The following CFHR1 variants were observed in gnomAD, a reference collection of about 807,000 sequenced individuals.
CFHR1 encodes the protein complement factor H related 1, also known as complement factor H-related protein 1.
CFHR1 carries 22 observed loss-of-function variants against 30.4 expected under a neutral mutation model. The ratio of observed to expected loss-of-function variants is 0.72; its 90% CI spans 0.52 to 1.03. The LOEUF (loss-of-function observed/expected upper bound fraction) is 1.03. Among genes scored for constraint, CFHR1 ranks in the 50% least tolerant of loss-of-function variants. The pLI, the probability that CFHR1 is intolerant of heterozygous loss-of-function variation, is 0.00. For synonymous variants in CFHR1, 95 were observed against 129.1 expected (o/e 0.74, Z 1.79); for missense variants, 248 against 380.6 (o/e 0.65, Z 2.90).
rs1469400274 is a variant in CFHR1 at position 196,824,346 on chromosome 1, C to A, written c.59-1131C>A. Among the ~76,000 whole-genome samples, 4 of 133,802 alleles carry A rather than the reference C, an allele frequency of 3.0e-5. 1 individual carries two copies. The highest frequency in any genetic ancestry group is 2.9e-4 in the Admixed American group (4 of 13,884). The allele number at this position is 133,802 out of a possible 152,430, so 87.8% of individuals were successfully genotyped here. A position where few individuals can be genotyped will look rare whatever the true frequency, so the allele number is the denominator to read the frequency against. On this transcript the variant is annotated intron_variant, in intron 1 of 5. Coordinates refer to ENST00000320493, the MANE Select transcript of CFHR1 (RefSeq NM_002113.3). ...GATCTCCGCTCACTGCAACCTCCCC[C>A]TCCTGGGTTCAAGTGATTCTTCTGC...
rs424925 is a variant in CFHR1 at position 196,826,631 on chromosome 1, C to G, written c.254-198C>G. Among the ~76,000 whole-genome samples the G allele has an allele frequency of 0.47, 62,710 of 132,234 alleles. 21,054 individuals carry two copies. The highest frequency in any genetic ancestry group is 0.59 in the African/African-American group (17,889 of 30,470). 86.8% of individuals were successfully genotyped at this position (132,234 alleles called of 152,430 possible). A position where few individuals can be genotyped will look rare whatever the true frequency, so the allele number is the denominator to read the frequency against. On this transcript the variant is annotated intron_variant, in intron 2 of 5. Transcript: ENST00000320493. ...ATGCCCGCTAATTTTTGTATTTTTA[C>G]TAGAAACAGGGTTTCACCATGTTGG...
Position 196,824,317 on chromosome 1 carries a change from G to T in CFHR1, c.59-1160G>T, listed in dbSNP as rs532250166. ...GTCGCCCCCAGGCTCGAGTTTAGTG[G>T]CATGATCTCCGCTCACTGCAACCTC... On this transcript the variant is annotated intron_variant, in intron 1 of 5. Transcript: ENST00000320493. 5.2e-5 allele frequency among the ~76,000 whole-genome samples: 7 copies of T among 133,582 alleles called. 1 individual carries two copies. In the East Asian group the frequency reaches 7.9e-4, roughly 15 times the overall value. 87.6% of individuals were successfully genotyped at this position (133,582 alleles called of 152,430 possible).
At position 196,825,538 on chromosome 1, in the gene CFHR1, G is replaced by C; in HGVS notation, c.120G>C (p.Lys40Asn). Residue 40 changes from lysine (K) to asparagine (N), a missense_variant, in exon 2 of 6, where the codon AAG (lysine) becomes AAC (asparagine). Transcript: ENST00000320493. ...HGILYDEEKY[K>N]PFSQVPTGEV... Reference sequence around the variant, plus strand: ...TTCTATATGATGAAGAAAAATATAAGCCATTTTCCCAGGTTCCTACAGGGG... The same window carrying C: ...TTCTATATGATGAAGAAAAATATAACCCATTTTCCCAGGTTCCTACAGGGG... 1 of 1,521,022 alleles carries C rather than the reference G, an allele frequency of 6.6e-7. No homozygotes were observed. Among genetic ancestry groups the C allele is most frequent in the Non-Finnish European group, 8.9e-7 (1 of 1,125,784 alleles). The allele number at this position is 1,521,022 out of a possible 1,614,324, so 94.2% of individuals were successfully genotyped here. A position where few individuals can be genotyped will look rare whatever the true frequency, so the allele number is the denominator to read the frequency against.
chr1:196,828,686 C>T lies in CFHR1; in HGVS notation c.607+440C>T, dbSNP rs1217216133. On this transcript the variant is annotated intron_variant, in intron 4 of 5. Coordinates refer to ENST00000320493, the MANE Select transcript of CFHR1 (RefSeq NM_002113.3). ...CTGACTGTATTTATAAAAAGAAGTC[C>T]GAGCACATAGTCCTGGGTCATTCTA... Among the ~76,000 whole-genome samples, 2 of 132,760 alleles carry T rather than the reference C, an allele frequency of 1.5e-5. 1 individual carries two copies. The highest frequency in any genetic ancestry group is 3.2e-5 in the Non-Finnish European group (2 of 63,474). The allele number at this position is 132,760 out of a possible 152,430, so 87.1% of individuals were successfully genotyped here. A position where few individuals can be genotyped will look rare whatever the true frequency, so the allele number is the denominator to read the frequency against.
chr1:196,825,645 G>A lies in CFHR1; in HGVS notation c.227G>A (p.Gly76Glu). 7 of 1,524,368 alleles carry A rather than the reference G, an allele frequency of 4.6e-6. 3 individuals are homozygous for A. Among genetic ancestry groups the A allele is most frequent in the Non-Finnish European group, 6.2e-6 (7 of 1,128,602 alleles). 94.4% of individuals were successfully genotyped at this position (1,524,368 alleles called of 1,614,324 possible). ...FWTRITCTEE[G>E]WSPTPKCLRL... is the part of the protein sequence containing the mutation. ...ACTCGCATAACATGCACAGAAGAAGGATGGTCACCAACACCAAAGTGTCTC... is the reference window on the plus strand; with the variant it reads ...ACTCGCATAACATGCACAGAAGAAGAATGGTCACCAACACCAAAGTGTCTC... Residue 76 changes from glycine (G) to glutamate (E), a missense_variant, in exon 2 of 6, where the codon GGA (glycine) becomes GAA (glutamate). By Grantham distance (98) the Gly-to-Glu change is moderately conservative. This residue lies in a region of CFHR1 where 121 missense variants were observed against 162.6 expected (regional missense o/e 0.74). Transcript: ENST00000320493.
chr1:196,831,813 C>T lies in CFHR1; in HGVS notation c.807C>T (p.Ser269=), dbSNP rs537203520. The T allele has an allele frequency of 1.3e-6, 2 of 1,523,910 alleles. No individual in the cohort carries two copies. The highest frequency in any genetic ancestry group is 1.8e-6 in the Non-Finnish European group (2 of 1,128,716). 94.4% of individuals were successfully genotyped at this position (1,523,910 alleles called of 1,614,324 possible). ...TATTTTCAGATCCGTGTGTAATATC[C>T]CGAGAAATTATGGAAAATTATAACA... is the stretch of plus-strand genomic sequence containing the variant. ...PPKCLHPCVI[S]REIMENYNIA... Residue 269 remains serine (S), a synonymous_variant, in exon 6 of 6, where the codon TCC becomes TCT. Transcript: ENST00000320493.
rs1229240244 is a variant in CFHR1 at position 196,825,658 on chromosome 1, AC to A, written c.242del (p.Pro81GlnfsTer50). ...TCTEEGWSPT[P>X]KCLRLCFFPF... is the part of the protein sequence containing the mutation. ...GCACAGAAGAAGGATGGTCACCAAC[AC>A]CAAAGTGTCTCAGTGAGTAAATGCT... On this transcript the variant is annotated frameshift_variant, in exon 2 of 6. Transcript: ENST00000320493. LOFTEE classifies it high-confidence loss of function. The A allele has an allele frequency of 6.6e-7, 1 of 1,523,440 alleles. No individual in the cohort carries two copies. Among genetic ancestry groups the A allele is most frequent in the Admixed American group, 1.7e-5 (1 of 57,892 alleles). The allele number at this position is 1,523,440 out of a possible 1,614,324, so 94.4% of individuals were successfully genotyped here. A position where few individuals can be genotyped will look rare whatever the true frequency, so the allele number is the denominator to read the frequency against.
In CFHR1 at chr1:196,828,770, T is replaced by C. The variant is rs1412880131; in HGVS notation, c.607+524T>C. Among the ~76,000 whole-genome samples the C allele has an allele frequency of 2.4e-5, 3 of 123,476 alleles. 1 individual carries two copies. The highest frequency in any genetic ancestry group is 7.9e-5 in the Admixed American group (1 of 12,706). 81.0% of individuals were successfully genotyped at this position (123,476 alleles called of 152,430 possible). On this transcript the variant is annotated intron_variant, in intron 4 of 5. Transcript: ENST00000320493. The stretch of plus-strand genomic sequence containing the variant: ...GGAAATTGTATCTTACTTACCTTTA[T>C]GTTTTAAAATTAATGTTGTCCTGTG...
At chr1:196,822,141 G>T (rs1369502185) in intron 1 of CFHR1, among the ~76,000 whole-genome samples, 1 of 128,608 alleles carries the variant, frequency 7.8e-6, no homozygotes, top group Non-Finnish European at 1.6e-5. Flanking sequence ...GTGAGTGAAT[G>T]TGATGGCTTA....
At chr1:196,825,897 T>C in intron 2 of CFHR1, 1 of 391,526 alleles carries the variant, frequency 2.6e-6, no homozygotes, top group Non-Finnish European at 4.5e-6. Context: ...TTGAAATATA[T>C]TAATTTTTTT....
rs1193585540 is a variant in CFHR1, at chr1:196,832,156, C to A, written c.*157C>A. On this transcript the variant is annotated 3_prime_UTR_variant, in exon 6 of 6. Transcript: ENST00000320493. ...ATAAGCTGAGACCGGTGGCTCTCTT[C>A]TTAAAAGCACCATATTAAAACTTGG... 4 of 731,736 alleles carry A rather than the reference C, an allele frequency of 5.5e-6. No individual in the cohort carries two copies. Among genetic ancestry groups the A allele is most frequent in the Admixed American group, 2.5e-5 (1 of 40,286 alleles). 45.3% of individuals were successfully genotyped at this position (731,736 alleles called of 1,614,324 possible). A position where few individuals can be genotyped will look rare whatever the true frequency, so the allele number is the denominator to read the frequency against.
intron 1 of CFHR1, among the ~76,000 whole-genome samples, chr1:196,823,383 C>T (rs1314828790): frequency 7.5e-6 from 1 of 134,168 alleles, no homozygotes; most frequent in Non-Finnish European, 1.6e-5. Context: ...TATGTAGGTA[C>T]AAATGTATGA....
Position 196,823,595 on chromosome 1 carries a change from A to G in CFHR1, c.59-1882A>G, listed in dbSNP as rs576853504. ...GTGCAACATTAAACATTACTTCTAG[A>G]TAGATGAAAAAGAGAAATTTCTCTT... On this transcript the variant is annotated intron_variant, in intron 1 of 5. Transcript: ENST00000320493. Among the ~76,000 whole-genome samples, 2 of 136,036 alleles carry G rather than the reference A, an allele frequency of 1.5e-5. 1 individual carries two copies. The highest frequency in any genetic ancestry group is 1.4e-4 in the Admixed American group (2 of 14,166). 89.2% of individuals were successfully genotyped at this position (136,036 alleles called of 152,430 possible).
chr1:196,826,720 G>A, intron 2 of CFHR1, 109 bp from the exon 3 acceptor site: 1 of 1,089,424 alleles, frequency 9.2e-7, no homozygotes, highest in Admixed American at 2.0e-5. Context: ...AAAGCGCAGA[G>A]ATTACCAGAG....
intron 4 of CFHR1, among the ~76,000 whole-genome samples, chr1:196,829,211 A>G (rs1280675910): frequency 7.4e-6 from 1 of 134,818 alleles, no homozygotes; most frequent in Non-Finnish European, 1.6e-5. Context: ...TAAATCAACA[A>G]CTGGAATATG....
chr1:196,830,925 A>AG (rs1655531438), intron 5 of CFHR1, among the ~76,000 whole-genome samples: 1 of 134,042 alleles, frequency 7.5e-6, no homozygotes, highest in South Asian at 2.6e-4. Context: ...CAGGAGATTG[A>AG]GACCATCCTG....
chr1:196,830,534 T>G lies in CFHR1; in HGVS notation c.642T>G (p.Ile214Met). 6.6e-7 allele frequency: 1 copy of G among 1,525,664 alleles called. No homozygotes were observed. The allele number at this position is 1,525,664 out of a possible 1,614,324, so 94.5% of individuals were successfully genotyped here. The change falls in exon 5 of 6, where the codon ATT (isoleucine) becomes ATG (methionine). Residue 214 changes from isoleucine (I) to methionine (M), a missense_variant. By Grantham distance (10) the Ile-to-Met change is conservative (BLOSUM62 1). Transcript: ENST00000320493. ...GAAAATGTGGGCCCCCTCCACCTAT[T>G]GACAATGGGGACATTACTTCATTCC... ...STGKCGPPPP[I>M]DNGDITSFPL... is the part of the protein sequence containing the mutation.
At position 196,831,890 on chromosome 1, in the gene CFHR1, C is replaced by T. The variant is rs1304241271; in HGVS notation, c.884C>T (p.Ser295Leu). ...AAGCTTTATTTGAGAACAGGTGAAT[C>T]AGCTGAATTTGTGTGTAAACGGGGA... ...KQKLYLRTGE[S>L]AEFVCKRGYR... is the part of the protein sequence containing the mutation. Residue 295 changes from serine (S) to leucine (L), a missense_variant, in exon 6 of 6, where the codon TCA becomes TTA. Physicochemically the swap from Ser to Leu is moderately radical, Grantham distance 145 (BLOSUM62 -2). Around this residue, in one of 3 missense-constraint regions of CFHR1, gnomAD observed 112 missense variants for 156.4 expected, o/e 0.72. Transcript: ENST00000320493. The T allele has an allele frequency of 1.3e-6, 2 of 1,525,372 alleles. No homozygotes were observed. The highest frequency in any genetic ancestry group is 3.5e-5 in the Admixed American group (2 of 57,946). The allele number at this position is 1,525,372 out of a possible 1,614,324, so 94.5% of individuals were successfully genotyped here.
At chr1:196,822,695 A>G (rs1189564903) in intron 1 of CFHR1, among the ~76,000 whole-genome samples, 3 of 134,350 alleles carry the variant, frequency 2.2e-5, no homozygotes, top group Non-Finnish European at 4.7e-5. Context: ...GGTTTCTTCT[A>G]GAATAGTTCC....
Sources: allele counts gnomAD v4.1 joint callset (sites outside exome capture counted in the v4.1 genomes callset), GRCh38; gene constraint gnomAD v4.1.1; regional missense constraint gnomAD v4.1.1; transcripts MANE v1.5; gene names NCBI Gene and HGNC (gene_info 2026-07-23, HGNC 2026-07-21).